ACTR3B: variants seen among roughly 807,000 people sequenced by gnomAD.
ACTR3B encodes the protein actin related protein 3B.
Under a neutral mutation model 59.0 loss-of-function variants are expected in ACTR3B, and 8 were observed. The observed-to-expected ratio is 0.14, with a 90% CI of 0.08 to 0.24. The LOEUF is 0.24. ACTR3B is among the 10% of genes least tolerant of loss of function. The probability of loss-of-function intolerance (pLI) is 1.00; values close to 1 mark genes in which losing one functional copy is unlikely to be tolerated. For missense variants in ACTR3B, 245 were observed against 552.3 expected, an observed-to-expected ratio of 0.44 and a Z score of 5.58; for synonymous variants, 148 against 197.9, an observed-to-expected ratio of 0.75 and a Z score of 2.12.
chr7:152,777,949 CA>C (rs113672566), intron 1 of ACTR3B, among the ~76,000 whole-genome samples: 1,299 of 124,214 alleles, frequency 0.01, 14 homozygotes, highest in African/African-American at 0.027. Context: ...GACTCCGTCT[CA>C]AAAAAAAAAA....
intron 2 of ACTR3B, among the ~76,000 whole-genome samples, chr7:152,799,401 T>C (rs747790173): frequency 6.6e-6 from 1 of 152,250 alleles, no homozygotes; most frequent in Non-Finnish European, 1.5e-5. Flanking sequence ...TAAGCTTCCC[T>C]TTCTGTGAAA....
intron 9 of ACTR3B, among the ~76,000 whole-genome samples, chr7:152,847,386 A>G (rs756085454): frequency 1.3e-5 from 2 of 152,216 alleles, no homozygotes; most frequent in Non-Finnish European, 2.9e-5. Context: ...TTGTCCTTCA[A>G]TTACTGAAGG....
At chr7:152,837,750 T>C (rs1797581956) in intron 9 of ACTR3B, among the ~76,000 whole-genome samples, 1 of 152,238 alleles carries the variant, frequency 6.6e-6, no homozygotes, top group Non-Finnish European at 1.5e-5. Flanking sequence ...CCTGTCACAC[T>C]GAGAAATGGT....
At chr7:152,794,354 AC>A (rs1362939968) in intron 2 of ACTR3B, among the ~76,000 whole-genome samples, 1 of 152,036 alleles carries the variant, frequency 6.6e-6, no homozygotes, top group Non-Finnish European at 1.5e-5. Flanking sequence ...AGTAGCTGGG[AC>A]TACAGGTGCG....
At chr7:152,804,893 A>G (rs11766953) in intron 4 of ACTR3B, among the ~76,000 whole-genome samples, 80,368 of 151,792 alleles carry the variant, frequency 0.53, 23,199 homozygotes, top group East Asian at 0.72. Flanking sequence ...GCCTGAGAAC[A>G]ATCAAACTCC....
intron 1 of ACTR3B, among the ~76,000 whole-genome samples, chr7:152,768,458 A>G (rs188008343): frequency 6.6e-6 from 1 of 152,018 alleles, no homozygotes; most frequent in Non-Finnish European, 1.5e-5. Context: ...TTGTGGCCTA[A>G]GAGGGTTTGC....
chr7:152,835,193 CTT>C (rs1486868906), intron 9 of ACTR3B, among the ~76,000 whole-genome samples: 6 of 152,226 alleles, frequency 3.9e-5, no homozygotes, highest in Non-Finnish European at 8.8e-5. Context: ...GGCTGAGCCG[CTT>C]CCTAGCATCG....
chr7:152,792,588 A>C (rs2098200382), intron 2 of ACTR3B, among the ~76,000 whole-genome samples: 1 of 152,036 alleles, frequency 6.6e-6, no homozygotes, highest in Non-Finnish European at 1.5e-5. Flanking sequence ...CTCTACTAAA[A>C]ATACAAAAAT....
intron 4 of ACTR3B, among the ~76,000 whole-genome samples, chr7:152,802,026 C>T (rs1590302536): frequency 1.3e-5 from 2 of 152,144 alleles, no homozygotes; most frequent in African/African-American, 4.8e-5. Context: ...TTTGTTCCCC[C>T]TGGGTCCAGG....
At chr7:152,800,500 T>C in intron 2 of ACTR3B, 31 bp from the exon 3 acceptor site, 3 of 1,608,922 alleles carry the variant, frequency 1.9e-6, no homozygotes, top group Non-Finnish European at 2.5e-6. Context: ...TGGATAGTGA[T>C]AGAAATCTGT....
At chr7:152,851,390 AC>A (rs1171594416) in intron 9 of ACTR3B, among the ~76,000 whole-genome samples, 1 of 152,198 alleles carries the variant, frequency 6.6e-6, no homozygotes, top group Non-Finnish European at 1.5e-5. Context: ...CCTCTGACAT[AC>A]ATCAGAAGAG....
chr7:152,770,441 A>G (rs1442543503), intron 1 of ACTR3B, among the ~76,000 whole-genome samples: 10 of 151,628 alleles, frequency 6.6e-5, no homozygotes, highest in Admixed American at 2.6e-4. Context: ...ATCCTAAAAT[A>G]TAGCAGGGCA....
Position 152,774,045 on chromosome 7 carries a change from C to G in ACTR3B, c.45-9142C>G, listed in dbSNP as rs184202082. On this transcript the variant is annotated intron_variant, in intron 1 of 11. Transcript: ENST00000256001. Reference sequence around the variant, plus strand: ...TTTCTTATATCTCTAAAGTCAGGCACGATGGGTCCTCAGCTTTTCAGGGCC... The same window carrying G: ...TTTCTTATATCTCTAAAGTCAGGCAGGATGGGTCCTCAGCTTTTCAGGGCC... Among the ~76,000 whole-genome samples the G allele has an allele frequency of 5.3e-3, 801 of 152,308 alleles. 12 individuals are homozygous for G. Among genetic ancestry groups the G allele is most frequent in the African/African-American group, 0.018 (754 of 41,572 alleles).
In ACTR3B at chr7:152,774,315, T is replaced by C. The variant is rs142877800; in HGVS notation, c.45-8872T>C. Among the ~76,000 whole-genome samples the C allele has an allele frequency of 6.4e-4, 98 of 152,318 alleles. 2 individuals carry two copies. In the East Asian group the frequency reaches 0.018, roughly 28 times the overall value. ...CCGCACCCGACTAGTTTTGTATTTT[T>C]AGTAGAGATGGGGTTTCTCCCTGTT... On this transcript the variant is annotated intron_variant, in intron 1 of 11. Coordinates refer to ENST00000256001, the MANE Select transcript of ACTR3B (RefSeq NM_020445.6).
chr7:152,837,662 A>G (rs1475606904), intron 9 of ACTR3B, among the ~76,000 whole-genome samples: 4 of 152,200 alleles, frequency 2.6e-5, no homozygotes, highest in Non-Finnish European at 5.9e-5. Flanking sequence ...TGCTGAATAC[A>G]TTTTAGGAAT....
At chr7:152,830,357 G>A (rs1455195554) in intron 9 of ACTR3B, among the ~76,000 whole-genome samples, 1 of 152,232 alleles carries the variant, frequency 6.6e-6, no homozygotes, top group Non-Finnish European at 1.5e-5. Flanking sequence ...AGCAGTCTGG[G>A]TCCAGCAGTG....
intron 1 of ACTR3B, among the ~76,000 whole-genome samples, chr7:152,764,394 C>T (rs2098101200): frequency 6.6e-6 from 1 of 152,038 alleles, no homozygotes; most frequent in Admixed American, 6.5e-5. Context: ...CTTTGGGAGG[C>T]CGAGGATGTG....
In ACTR3B at chr7:152,786,397, A is replaced by G. The variant is rs372052092; in HGVS notation, c.100+3155A>G. The G allele has an allele frequency of 2.0e-4, 47 of 234,152 alleles. No individual in the cohort carries two copies. The East Asian group carries it at 5.3e-3, about 26-fold the overall frequency. The allele number at this position is 234,152 out of a possible 1,614,324, so 14.5% of individuals were successfully genotyped here. The stretch of plus-strand genomic sequence containing the variant: ...GCAACACCCCATCTCTACTAAAAAT[A>G]CAAAAATTAACCCGGGATGGTGGCG... On this transcript the variant is annotated intron_variant, in intron 2 of 11. Coordinates refer to ENST00000256001, the MANE Select transcript of ACTR3B (RefSeq NM_020445.6).
At chr7:152,793,884 A>G (rs201908347) in intron 2 of ACTR3B, among the ~76,000 whole-genome samples, 1,770 of 151,716 alleles carry the variant, frequency 0.012, 24 homozygotes, top group East Asian at 0.031. Context: ...GTGGGGGTCA[A>G]AGTTGAGGTT....
Sources: allele counts gnomAD v4.1 joint callset (sites outside exome capture counted in the v4.1 genomes callset), GRCh38; gene constraint gnomAD v4.1.1; transcripts MANE v1.5; gene names NCBI Gene and HGNC (gene_info 2026-07-23, HGNC 2026-07-21).